The following DLG2 variants were observed in gnomAD, a reference collection of about 807,000 sequenced individuals.
DLG2 encodes the protein discs large MAGUK scaffold protein 2.
DLG2 carries 45 observed loss-of-function variants against 132.5 expected under a neutral mutation model. That is an observed-to-expected ratio of 0.34 (90% confidence interval 0.27 to 0.44). The LOEUF (loss-of-function observed/expected upper bound fraction) is 0.44. Among genes scored for constraint, DLG2 ranks in the 20% least tolerant of loss-of-function variants. DLG2 has a pLI of 1.00. For missense variants in DLG2, 1,045 were observed against 1,196.9 expected, an observed-to-expected ratio of 0.87 and a Z score of 1.87; for synonymous variants, 424 against 419.6, an observed-to-expected ratio of 1.01 and a Z score of -0.13.
intron 4 of DLG2, among the ~76,000 whole-genome samples, chr11:85,161,753 G>A (rs939478921): frequency 2.6e-5 from 4 of 152,186 alleles, no homozygotes; most frequent in Admixed American, 6.5e-5. Context: ...TTGACAGAAC[G>A]GTGGAATATC....
intron 5 of DLG2, among the ~76,000 whole-genome samples, chr11:85,136,228 C>T (rs188774799): frequency 8.5e-5 from 13 of 152,226 alleles, no homozygotes; most frequent in Non-Finnish European, 1.6e-4. Context: ...ACTGTAAATG[C>T]ATGTACAATA....
chr11:84,589,110 T>C (rs2099536783), intron 6 of DLG2, among the ~76,000 whole-genome samples: 1 of 151,556 alleles, frequency 6.6e-6, no homozygotes, highest in African/African-American at 2.4e-5. Flanking sequence ...GGAGAGGGAG[T>C]GGAGAGGTTG....
intron 18 of DLG2, chr11:83,647,048 A>G (rs56364609): frequency 6.6e-6 from 1 of 152,082 alleles, no homozygotes. Flanking sequence ...AGTCCAAATT[A>G]ATGATGAGGC....
intron 6 of DLG2, among the ~76,000 whole-genome samples, chr11:84,927,933 G>C (rs2047596208): frequency 6.6e-6 from 1 of 151,846 alleles, no homozygotes; most frequent in Non-Finnish European, 1.5e-5. Flanking sequence ...ATGTGGCTCA[G>C]GTATCTGTGT....
chr11:85,282,957 G>C (rs192259851), intron 4 of DLG2, among the ~76,000 whole-genome samples: 1 of 152,012 alleles, frequency 6.6e-6, no homozygotes, highest in Non-Finnish European at 1.5e-5. Context: ...GAAGCTGGAG[G>C]TCATCATCCT....
At chr11:85,557,000 T>G (rs2076975964) in intron 3 of DLG2, among the ~76,000 whole-genome samples, 1 of 151,826 alleles carries the variant, frequency 6.6e-6, no homozygotes, top group Non-Finnish European at 1.5e-5. Flanking sequence ...AAATAAGTCA[T>G]TATCTCTCTT....
chr11:85,114,241 C>T (rs1263260009), intron 5 of DLG2, among the ~76,000 whole-genome samples: 1 of 151,902 alleles, frequency 6.6e-6, no homozygotes, highest in Non-Finnish European at 1.5e-5. Flanking sequence ...GGCCTACCTC[C>T]TACTCAAAAG....
intron 7 of DLG2, among the ~76,000 whole-genome samples, chr11:84,347,582 T>G (rs531224306): frequency 1.3e-5 from 2 of 152,324 alleles, no homozygotes; most frequent in Non-Finnish European, 2.9e-5. Flanking sequence ...AAAGCAGAAT[T>G]CTGTGACATG....
intron 6 of DLG2, among the ~76,000 whole-genome samples, chr11:84,961,879 T>C (rs2052630965): frequency 6.6e-6 from 1 of 152,162 alleles, no homozygotes; most frequent in South Asian, 2.1e-4. Context: ...CCCAGTCTAC[T>C]TTCCAATCAC....
At chr11:84,919,883 GTGA>G (rs2092677936) in intron 6 of DLG2, among the ~76,000 whole-genome samples, 3 of 152,086 alleles carry the variant, frequency 2.0e-5, no homozygotes, top group African/African-American at 7.2e-5. Flanking sequence ...AACTGTGTAC[GTGA>G]TGATCACATT....
chr11:83,896,491 G>C (rs962374977), intron 15 of DLG2, among the ~76,000 whole-genome samples: 1 of 152,208 alleles, frequency 6.6e-6, no homozygotes, highest in African/African-American at 2.4e-5. Flanking sequence ...TTTTGTGAAA[G>C]ATGGACCAGC....
intron 15 of DLG2, among the ~76,000 whole-genome samples, chr11:83,883,998 G>T (rs61900050): frequency 1.3e-5 from 2 of 152,176 alleles, no homozygotes; most frequent in Non-Finnish European, 2.9e-5. Flanking sequence ...CCGGTCTACA[G>T]CTCCCAGCGT....
chr11:85,555,479 C>G (rs1163282467), intron 3 of DLG2, among the ~76,000 whole-genome samples: 1 of 151,948 alleles, frequency 6.6e-6, no homozygotes, highest in Non-Finnish European at 1.5e-5. Flanking sequence ...ACACTGACCA[C>G]TCCTAATTAA....
chr11:84,596,113 G>A (rs1271466118), intron 6 of DLG2, among the ~76,000 whole-genome samples: 1 of 151,976 alleles, frequency 6.6e-6, no homozygotes, highest in Non-Finnish European at 1.5e-5. Context: ...CATTTATTAG[G>A]CAACTTACAA....
intron 3 of DLG2, chr11:85,453,483 T>C (rs1355050738): frequency 6.4e-6 from 1 of 156,626 alleles, no homozygotes; most frequent in Non-Finnish European, 1.4e-5. Flanking sequence ...TATCCCACTT[T>C]CCTTCATCAA....
intron 7 of DLG2, among the ~76,000 whole-genome samples, chr11:84,455,547 T>C (rs2099063083): frequency 6.6e-6 from 1 of 151,262 alleles, no homozygotes; most frequent in African/African-American, 2.4e-5. Context: ...GACTGTGTTA[T>C]GCTCCCTCTC....
At chr11:83,558,786 T>C (rs2096562100) in intron 19 of DLG2, among the ~76,000 whole-genome samples, 1 of 151,964 alleles carries the variant, frequency 6.6e-6, no homozygotes, top group Admixed American at 6.6e-5. Context: ...TCATGTTAAT[T>C]TCCATTTACC....
At chr11:83,622,302 T>C (rs957639632) in intron 19 of DLG2, among the ~76,000 whole-genome samples, 7 of 152,248 alleles carry the variant, frequency 4.6e-5, no homozygotes, top group African/African-American at 1.4e-4. Flanking sequence ...TAGCAGGTCC[T>C]GGGCAACCCA....
chr11:83,969,744 T>C (rs2090962817), intron 12 of DLG2, among the ~76,000 whole-genome samples: 1 of 152,126 alleles, frequency 6.6e-6, no homozygotes, highest in African/African-American at 2.4e-5. Context: ...CAGCTAATTT[T>C]GTATTTTTAG....
Sources: allele counts gnomAD v4.1 joint callset (sites outside exome capture counted in the v4.1 genomes callset), GRCh38; gene constraint gnomAD v4.1.1; transcripts MANE v1.5; gene names NCBI Gene and HGNC (gene_info 2026-07-23, HGNC 2026-07-21).